Variants in DIAPH3 observed in about 807,000 individuals in gnomAD.
The protein encoded by DIAPH3 is diaphanous related formin 3.
Under a neutral mutation model 144.3 loss-of-function variants are expected in DIAPH3, and 117 were observed. The ratio of observed to expected loss-of-function variants is 0.81; its 90% CI spans 0.70 to 0.95. The LOEUF is 0.95. DIAPH3 is among the 40% of genes least tolerant of loss of function. DIAPH3 has a pLI of 0.00. For missense variants in DIAPH3, 1,421 were observed against 1,412.7 expected, an observed-to-expected ratio of 1.01 and a Z score of -0.09; for synonymous variants, 519 against 488.9, an observed-to-expected ratio of 1.06 and a Z score of -0.81.
chr13:59,858,068 T>TC (rs1254060862), intron 22 of DIAPH3, among the ~76,000 whole-genome samples: 34 of 152,184 alleles, frequency 2.2e-4, no homozygotes, highest in Admixed American at 2.2e-3. Flanking sequence ...AAAGCTGTTG[T>TC]CTATAGAAGT....
intron 22 of DIAPH3, among the ~76,000 whole-genome samples, chr13:59,855,943 A>G (rs2043230168): frequency 6.6e-6 from 1 of 151,998 alleles, no homozygotes; most frequent in Non-Finnish European, 1.5e-5. Flanking sequence ...GAAAAAGACA[A>G]AACAAAAACT....
intron 4 of DIAPH3, among the ~76,000 whole-genome samples, chr13:60,058,024 A>G (rs912850224): frequency 1.3e-5 from 2 of 151,872 alleles, no homozygotes; most frequent in East Asian, 3.8e-4. Context: ...CAAATGCAAC[A>G]AAAAACAAAA....
intron 4 of DIAPH3, among the ~76,000 whole-genome samples, chr13:60,070,368 T>C (rs1204203235): frequency 6.6e-6 from 1 of 151,962 alleles, no homozygotes; most frequent in Non-Finnish European, 1.5e-5. Flanking sequence ...GTAAAAATCA[T>C]TAGAAATATT....
chr13:60,046,326 A>T (rs1400612562), intron 4 of DIAPH3, among the ~76,000 whole-genome samples: 1 of 152,204 alleles, frequency 6.6e-6, no homozygotes, highest in East Asian at 1.9e-4. Flanking sequence ...ATAAACAGAC[A>T]CTTTTCAACG....
intron 7 of DIAPH3, among the ~76,000 whole-genome samples, chr13:60,013,981 T>C (rs1445653249): frequency 1.3e-5 from 2 of 152,140 alleles, no homozygotes; most frequent in Non-Finnish European, 2.9e-5. Context: ...TAGCTCCATG[T>C]ATATAAACTA....
chr13:59,876,990 T>G (rs1295531332), intron 21 of DIAPH3, among the ~76,000 whole-genome samples: 1 of 152,018 alleles, frequency 6.6e-6, no homozygotes, highest in Non-Finnish European at 1.5e-5. Flanking sequence ...GTCCCTGAAT[T>G]TGTGTACTTC....
chr13:59,981,417 T>C lies in DIAPH3; in HGVS notation c.1481-558A>G, dbSNP rs1350606122. ...AAAAACTAGGCAATATATACTAAAA[T>C]TGTAAATATGGATTTTCTTTTAACC... On this transcript the variant is annotated intron_variant, in intron 13 of 27. Coordinates refer to ENST00000400324, the MANE Select transcript of DIAPH3 (RefSeq NM_001042517.2). 2.0e-5 allele frequency among the ~76,000 whole-genome samples: 3 copies of C among 151,284 alleles called. No homozygotes were observed. The East Asian group carries it at 5.8e-4, about 29-fold the overall frequency.
At chr13:59,912,244 AATC>A in intron 19 of DIAPH3, among the ~76,000 whole-genome samples, 1 of 152,182 alleles carries the variant, frequency 6.6e-6, no homozygotes, top group East Asian at 1.9e-4. Context: ...GGATAAAAGA[AATC>A]ATCATATTGC....
chr13:59,736,829 G>C (rs2036177641), intron 27 of DIAPH3, among the ~76,000 whole-genome samples: 1 of 152,062 alleles, frequency 6.6e-6, no homozygotes, highest in Non-Finnish European at 1.5e-5. Context: ...TGAAGCAACA[G>C]GATAGAGAAA....
intron 23 of DIAPH3, among the ~76,000 whole-genome samples, chr13:59,836,367 A>G (rs2042044776): frequency 1.3e-5 from 2 of 151,838 alleles, no homozygotes; most frequent in Admixed American, 1.3e-4. Flanking sequence ...ACTGATATAC[A>G]TTGAATTTGG....
At chr13:59,770,011 A>G (rs895230357) in intron 27 of DIAPH3, among the ~76,000 whole-genome samples, 2 of 152,194 alleles carry the variant, frequency 1.3e-5, no homozygotes, top group Non-Finnish European at 2.9e-5. Context: ...TTGCTTGACT[A>G]AGGGAAAGAT....
intron 27 of DIAPH3, among the ~76,000 whole-genome samples, chr13:59,720,836 G>A (rs1278915658): frequency 2.0e-5 from 3 of 152,060 alleles, no homozygotes; most frequent in Non-Finnish European, 4.4e-5. Flanking sequence ...TTATTTATCT[G>A]CCCCAATAAC....
Position 59,971,157 on chromosome 13 carries a change from C to T in DIAPH3, c.1654G>A (p.Gly552Ser). The T allele has an allele frequency of 6.4e-7, 1 of 1,570,228 alleles. No individual in the cohort carries two copies. Among genetic ancestry groups the T allele is most frequent in the Non-Finnish European group, 8.6e-7 (1 of 1,156,692 alleles). Residue 552 changes from glycine to serine, a missense_variant, in exon 16 of 28, where the codon GGT becomes AGT. Gly to Ser is a moderately conservative substitution (Grantham distance 56, BLOSUM62 0). Coordinates refer to ENST00000400324, the MANE Select transcript of DIAPH3 (RefSeq NM_001042517.2). ...AELQAFKSQF[G>S]ALPADCNIPL... Reference sequence around the variant, plus strand: ...ATATTACAATCAGCTGGCAAGGCACCAAACTGGAGAAAAAAACAATAAGAG... The same window carrying T: ...ATATTACAATCAGCTGGCAAGGCACTAAACTGGAGAAAAAAACAATAAGAG...
chr13:59,983,652 G>C (rs141609475), intron 13 of DIAPH3, 117 bp downstream of exon 13: 3 of 696,348 alleles, frequency 4.3e-6, no homozygotes, highest in Non-Finnish European at 7.5e-6. Flanking sequence ...TATGAAAACA[G>C]TTTTGACAAT....
At chr13:59,969,779 AC>A (rs1296021934) in intron 17 of DIAPH3, among the ~76,000 whole-genome samples, 164 bp downstream of exon 17, 1 of 152,224 alleles carries the variant, frequency 6.6e-6, no homozygotes, top group East Asian at 1.9e-4. Context: ...AACAGAATTT[AC>A]TTTTTAAGCA....
intron 4 of DIAPH3, among the ~76,000 whole-genome samples, chr13:60,050,816 AC>A (rs371983659): frequency 0.93 from 141,259 of 151,876 alleles, 65,993 homozygotes; most frequent in African/African-American, 0.98. Flanking sequence ...ACAGACAGAA[AC>A]AACGTGAAAC....
rs1390601138 is a variant in DIAPH3, at chr13:60,055,008, G to T, written c.496-12188C>A. Among the ~76,000 whole-genome samples, 4 of 151,858 alleles carry T rather than the reference G, an allele frequency of 2.6e-5. 1 individual carries two copies. Among genetic ancestry groups the T allele is most frequent in the Admixed American group, 2.0e-4 (3 of 15,230 alleles). On this transcript the variant is annotated intron_variant, in intron 4 of 27. Coordinates refer to ENST00000400324, the MANE Select transcript of DIAPH3 (RefSeq NM_001042517.2). Reference sequence around the variant, plus strand: ...ACCAACAAAATAAAGTTTAGCAAGGGATTCCCTTAAAGAGTTACTTGGCTT... The same window carrying T: ...ACCAACAAAATAAAGTTTAGCAAGGTATTCCCTTAAAGAGTTACTTGGCTT...
intron 21 of DIAPH3, among the ~76,000 whole-genome samples, chr13:59,871,347 A>G (rs1186591280): frequency 6.6e-6 from 1 of 152,162 alleles, no homozygotes; most frequent in East Asian, 1.9e-4. Flanking sequence ...AGGAGTAGTG[A>G]GAGAAGACAC....
intron 17 of DIAPH3, among the ~76,000 whole-genome samples, chr13:59,955,064 ATATATATATATACATG>A (rs994715870): frequency 4.0e-4 from 32 of 79,984 alleles, no homozygotes; most frequent in Admixed American, 3.2e-3. Flanking sequence ...ATATTCTTTC[ATATATATATATACATG>A]TATATATATA....
Sources: gnomAD v4.1 joint callset for allele counts (sites outside exome capture counted in the v4.1 genomes callset) on GRCh38, gnomAD v4.1.1 for gene constraint, MANE v1.5 for transcripts, NCBI Gene and HGNC (gene_info 2026-07-23, HGNC 2026-07-21) for gene names.